Variants in CLCC1 observed in about 807,000 individuals in gnomAD.
CLCC1 encodes the protein chloride channel CLIC-like protein 1.
CLCC1 carries 39 observed loss-of-function variants against 63.3 expected under a neutral mutation model. The ratio of observed to expected loss-of-function variants is 0.62; its 90% confidence interval spans 0.48 to 0.81. The LOEUF (loss-of-function observed/expected upper bound fraction) is 0.81, where lower values mean the gene tolerates loss of function less well. Among genes scored for constraint, CLCC1 ranks in the 30% least tolerant of loss-of-function variants. The pLI is 0.00. For synonymous variants in CLCC1, 217 were observed against 239.8 expected (o/e 0.90, Z 0.88); for missense variants, 549 against 669.4 (o/e 0.82, Z 1.98).
intron 10 of CLCC1, among the ~76,000 whole-genome samples, chr1:108,939,375 C>T (rs541906876): frequency 7.4e-5 from 11 of 147,976 alleles, no homozygotes; most frequent in East Asian, 2.0e-4. Flanking sequence ...GGTGCGATCT[C>T]GGCTCACTGC....
At chr1:108,950,514 T>TATC (rs1167425820) in intron 2 of CLCC1, 66 bp from the exon 3 acceptor site, 1 of 654,994 alleles carries the variant, frequency 1.5e-6, no homozygotes, top group Admixed American at 4.6e-5. Context: ...GGTTTTGGGT[T>TATC]ATTATTATTA....
chr1:108,930,624 C>T lies in CLCC1; in HGVS notation c.*1923G>A, dbSNP rs1025556458. On this transcript the variant is annotated 3_prime_UTR_variant, in exon 13 of 13. Coordinates refer to ENST00000369969, the MANE Select transcript of CLCC1 (RefSeq NM_001377458.1). ...AAATCAGCAGCCAGGCGCAGTGGCT[C>T]ACACCTGTAATCCCAGCACTTTGGG... The T allele has an allele frequency of 6.6e-6, 1 of 152,498 alleles. No homozygotes were observed. Among genetic ancestry groups the T allele is most frequent in the Non-Finnish European group, 1.5e-5 (1 of 68,492 alleles). 9.4% of individuals were successfully genotyped at this position (152,498 alleles called of 1,614,324 possible). A position where few individuals can be genotyped will look rare whatever the true frequency, so the allele number is the denominator to read the frequency against.
rs1182441947 is a variant in CLCC1 at position 108,931,652 on chromosome 1, T to C, written c.*895A>G. The C allele has an allele frequency of 1.1e-6, 1 of 923,368 alleles. No homozygotes were observed. The highest frequency in any genetic ancestry group is 3.3e-5 in the Admixed American group (1 of 29,952). The allele number at this position is 923,368 out of a possible 1,614,324, so 57.2% of individuals were successfully genotyped here. ...CTAAAAAAAAAAAAAAAGTTCTAAA[T>C]TACAACCTGGATTACATTATGTTTC... On this transcript the variant is annotated 3_prime_UTR_variant, in exon 13 of 13. Coordinates refer to ENST00000369969, the MANE Select transcript of CLCC1 (RefSeq NM_001377458.1).
At position 108,956,988 on chromosome 1, in the gene CLCC1, G is replaced by T. The variant is rs540508847; in HGVS notation, c.-12+5321C>A. ...AAGCCACTTGAGGCTTTTAAATAGG[G>T]GCGTGATAGAATCTGGTTTACATTC... On this transcript the variant is annotated intron_variant, in intron 2 of 12. Coordinates refer to ENST00000369969, the MANE Select transcript of CLCC1 (RefSeq NM_001377458.1). Among the ~76,000 whole-genome samples the T allele has an allele frequency of 4.7e-5, 7 of 150,142 alleles. 1 individual carries two copies. Among genetic ancestry groups the T allele is most frequent in the African/African-American group, 1.7e-4 (7 of 40,272 alleles).
chr1:108,958,993 G>A (rs1166606660), intron 2 of CLCC1, among the ~76,000 whole-genome samples: 1 of 150,884 alleles, frequency 6.6e-6, no homozygotes, highest in Non-Finnish European at 1.5e-5. Context: ...GACCAACATG[G>A]AGAAATCCCA....
At chr1:108,961,751 C>T (rs1183830602) in intron 2 of CLCC1, among the ~76,000 whole-genome samples, 1 of 151,822 alleles carries the variant, frequency 6.6e-6, no homozygotes, top group East Asian at 1.9e-4. Context: ...CCCAGCTACT[C>T]GGGAGGCTGG....
intron 2 of CLCC1, among the ~76,000 whole-genome samples, chr1:108,952,469 C>T (rs187127430): frequency 2.0e-5 from 3 of 152,134 alleles, no homozygotes; most frequent in Non-Finnish European, 2.9e-5. Context: ...CAGCGCTTGG[C>T]CCCCCCTGTT....
At chr1:108,952,575 G>C (rs1370806144) in intron 2 of CLCC1, among the ~76,000 whole-genome samples, 2 of 139,462 alleles carry the variant, frequency 1.4e-5, no homozygotes, top group African/African-American at 5.2e-5. Context: ...AAGCTGGGCG[G>C]ATTACTTGAG....
At chr1:108,961,289 A>AAAAAAC (rs1335180137) in intron 2 of CLCC1, among the ~76,000 whole-genome samples, 3 of 151,666 alleles carry the variant, frequency 2.0e-5, no homozygotes, top group Admixed American at 2.0e-4. Context: ...TTTGTTAAAA[A>AAAAAAC]AAAAAAAAAA....
intron 2 of CLCC1, among the ~76,000 whole-genome samples, chr1:108,951,245 G>A (rs1294740518): frequency 6.6e-6 from 1 of 152,174 alleles, no homozygotes; most frequent in African/African-American, 2.4e-5. Flanking sequence ...AGCCAGGCGT[G>A]GTAGCGCAAG....
chr1:108,953,612 C>T (rs1428881621), intron 2 of CLCC1, among the ~76,000 whole-genome samples: 1 of 152,204 alleles, frequency 6.6e-6, no homozygotes, highest in East Asian at 1.9e-4. Context: ...CAACACCCAG[C>T]CCAGTGGTTG....
intron 8 of CLCC1, among the ~76,000 whole-genome samples, chr1:108,940,879 A>G (rs1285795092): frequency 6.6e-6 from 1 of 152,216 alleles, no homozygotes; most frequent in Non-Finnish European, 1.5e-5. Context: ...TTGGAACATT[A>G]TTAAACCATC....
chr1:108,934,608 T>C lies in CLCC1; in HGVS notation c.*45+17A>G. The C allele has an allele frequency of 6.5e-7, 1 of 1,537,288 alleles. No homozygotes were observed. The highest frequency in any genetic ancestry group is 1.2e-5 in the South Asian group (1 of 81,584). On this transcript the variant is annotated intron_variant, in intron 12 of 12. Coordinates refer to ENST00000369969, the MANE Select transcript of CLCC1 (RefSeq NM_001377458.1). ...ATTCTTGCAGAGAAGAGAAAGAGAG[T>C]GAAGAGTATACTTTACAAAGCTCGA...
rs1486229738 is a variant in CLCC1, at chr1:108,934,341, A to G, written c.*45+284T>C. 1.5e-5 allele frequency: 4 copies of G among 259,982 alleles called. No individual in the cohort carries two copies. In the East Asian group the frequency reaches 3.1e-4, roughly 20 times the overall value. 16.1% of individuals were successfully genotyped at this position (259,982 alleles called of 1,614,324 possible). A position where few individuals can be genotyped will look rare whatever the true frequency, so the allele number is the denominator to read the frequency against. Reference sequence around the variant, plus strand: ...TTCCCGTAAGTGCCTGTAACAATAAAATTTCTTTTTCAATGTCCCCAATTC... The same window carrying G: ...TTCCCGTAAGTGCCTGTAACAATAAGATTTCTTTTTCAATGTCCCCAATTC... On this transcript the variant is annotated intron_variant, in intron 12 of 12. Coordinates refer to ENST00000369969, the MANE Select transcript of CLCC1 (RefSeq NM_001377458.1).
chr1:108,932,065 G>A lies in CLCC1; in HGVS notation c.*482C>T, dbSNP rs1361093702. 1 of 152,326 alleles carries A rather than the reference G, an allele frequency of 6.6e-6. No individual in the cohort carries two copies. The highest frequency in any genetic ancestry group is 1.5e-5 in the Non-Finnish European group (1 of 68,190). 9.4% of individuals were successfully genotyped at this position (152,326 alleles called of 1,614,324 possible). On this transcript the variant is annotated 3_prime_UTR_variant, in exon 13 of 13. Coordinates refer to ENST00000369969, the MANE Select transcript of CLCC1 (RefSeq NM_001377458.1). The stretch of plus-strand genomic sequence containing the variant: ...ACAAGGGCGGGTCACTTGAGGTCAG[G>A]AGTTCGAGACCAGCCTGACCAACAT...
intron 2 of CLCC1, among the ~76,000 whole-genome samples, chr1:108,954,621 G>A (rs530967120): frequency 6.6e-6 from 1 of 151,286 alleles, no homozygotes; most frequent in African/African-American, 2.5e-5. Flanking sequence ...CTAAAAGAGT[G>A]GTGGCAAGAA....
Position 108,940,147 on chromosome 1 carries a change from T to C in CLCC1, c.797-5A>G, listed in dbSNP as rs749612033. 100 of 1,554,878 alleles carry C rather than the reference T, an allele frequency of 6.4e-5. No individual in the cohort carries two copies. Among genetic ancestry groups the C allele is most frequent in the Non-Finnish European group, 8.6e-5 (97 of 1,130,946 alleles). ...TCCATGAACTTCTAAACCATTCTGT[T>C]TAGAGAAACAGACAAAACACTGATC... is the stretch of plus-strand genomic sequence containing the variant. On this transcript the variant is annotated splice_polypyrimidine_tract_variant and splice_region_variant and intron_variant, in intron 8 of 12. Coordinates refer to ENST00000369969, the MANE Select transcript of CLCC1 (RefSeq NM_001377458.1).
Position 108,931,512 on chromosome 1 carries a change from C to T in CLCC1, c.*1035G>A, listed in dbSNP as rs1302171037. On this transcript the variant is annotated 3_prime_UTR_variant, in exon 13 of 13. Coordinates refer to ENST00000369969, the MANE Select transcript of CLCC1 (RefSeq NM_001377458.1). ...TGGGATGGGATCTGGGGATGTGGAC[C>T]CCTATTCTTTCAAAAAGTCATTCAG... 1.3e-6 allele frequency: 2 copies of T among 1,534,790 alleles called. No individual in the cohort carries two copies. The highest frequency in any genetic ancestry group is 1.8e-6 in the Non-Finnish European group (2 of 1,138,876).
chr1:108,931,266 T>A lies in CLCC1; in HGVS notation c.*1281A>T. The A allele has an allele frequency of 6.9e-7, 1 of 1,457,144 alleles. No homozygotes were observed. Among genetic ancestry groups the A allele is most frequent in the Non-Finnish European group, 9.1e-7 (1 of 1,099,506 alleles). 90.3% of individuals were successfully genotyped at this position (1,457,144 alleles called of 1,614,324 possible). On this transcript the variant is annotated 3_prime_UTR_variant, in exon 13 of 13. Coordinates refer to ENST00000369969, the MANE Select transcript of CLCC1 (RefSeq NM_001377458.1). ...AAAAATTAAATATGAAAGAAAGATG[T>A]CAGCTAGAACCTTAGTTGTCATTAA...
Sources: gnomAD v4.1 joint callset for allele counts (sites outside exome capture counted in the v4.1 genomes callset) on GRCh38, gnomAD v4.1.1 for gene constraint, MANE v1.5 for transcripts, NCBI Gene and HGNC (gene_info 2026-07-23, HGNC 2026-07-21) for gene names.